The following POU2F1 variants were observed in gnomAD, a reference collection of about 807,000 sequenced individuals.
POU2F1 encodes the protein POU domain, class 2, transcription factor 1.
A neutral mutation model predicts 84.9 loss-of-function variants in POU2F1; 16 were observed. The ratio of observed to expected loss-of-function variants is 0.19; its 90% confidence interval spans 0.13 to 0.29. The LOEUF is 0.29. Among genes scored for constraint, POU2F1 ranks in the 10% least tolerant of loss-of-function variants. The pLI, the probability that POU2F1 is intolerant of heterozygous loss-of-function variation, is 1.00. For missense variants in POU2F1, 738 were observed against 942.6 expected, an observed-to-expected ratio of 0.78 and a Z score of 2.84; for synonymous variants, 368 against 368.3, an observed-to-expected ratio of 1.00 and a Z score of 0.01.
At chr1:167,256,169 G>A (rs1202579794) in intron 1 of POU2F1, among the ~76,000 whole-genome samples, 1 of 152,056 alleles carries the variant, frequency 6.6e-6, no homozygotes, top group Non-Finnish European at 1.5e-5. Context: ...GGATGAGAGT[G>A]GTTCTACAAC....
At chr1:167,324,388 A>T (rs993466086) in intron 1 of POU2F1, among the ~76,000 whole-genome samples, 1 of 147,302 alleles carries the variant, frequency 6.8e-6, no homozygotes, top group African/African-American at 2.7e-5. Flanking sequence ...TGTACAATGT[A>T]AAATGTGACT....
chr1:167,408,468 A>G (rs191076905), intron 13 of POU2F1, among the ~76,000 whole-genome samples: 1 of 152,230 alleles, frequency 6.6e-6, no homozygotes, highest in Non-Finnish European at 1.5e-5. Context: ...AGTGCTCATC[A>G]ACTGGTGAAT....
intron 1 of POU2F1, among the ~76,000 whole-genome samples, chr1:167,270,689 A>G (rs1370282386): frequency 1.3e-5 from 2 of 152,216 alleles, no homozygotes; most frequent in Non-Finnish European, 2.9e-5. Flanking sequence ...ATCACTCCAT[A>G]GTCAAACACA....
At chr1:167,299,713 T>TTTTTTTTC (rs1654536202) in intron 1 of POU2F1, among the ~76,000 whole-genome samples, 2 of 152,054 alleles carry the variant, frequency 1.3e-5, no homozygotes, top group African/African-American at 4.8e-5. Context: ...TTTTTCATTT[T>TTTTTTTTC]ATTTTGCTGC....
At position 167,331,999 on chromosome 1, in the gene POU2F1, G is replaced by T. The variant is rs142593913; in HGVS notation, c.62-471G>T. On this transcript the variant is annotated intron_variant, in intron 1 of 15. Transcript: ENST00000367866. ...TGTTTTCTTTTAGTTCATAGGTTGA[G>T]TTACTGTCCCATCTTTTATCAAGAT... Among the ~76,000 whole-genome samples the T allele has an allele frequency of 8.2e-4, 125 of 152,098 alleles. 1 individual carries two copies. In the East Asian group the frequency reaches 0.022, roughly 27 times the overall value.
chr1:167,323,688 C>CTATTTATT (rs201333646), intron 1 of POU2F1, among the ~76,000 whole-genome samples: 1 of 151,904 alleles, frequency 6.6e-6, no homozygotes, highest in Non-Finnish European at 1.5e-5. Flanking sequence ...TTTAATCACA[C>CTATTTATT]TATTTATTTA....
intron 2 of POU2F1, among the ~76,000 whole-genome samples, chr1:167,349,201 C>T (rs1442591993): frequency 1.3e-5 from 2 of 152,162 alleles, no homozygotes; most frequent in African/African-American, 2.4e-5. Context: ...ATCTCATCCT[C>T]TTAAGATTCA....
intron 6 of POU2F1, 56 bp from the exon 7 acceptor site, chr1:167,375,973 T>G: frequency 6.2e-7 from 1 of 1,601,060 alleles, no homozygotes; most frequent in Non-Finnish European, 8.6e-7. Flanking sequence ...AGCCTTATAA[T>G]TAAGCGAACT....
chr1:167,278,380 T>C (rs1049827305), intron 1 of POU2F1, among the ~76,000 whole-genome samples: 1 of 152,232 alleles, frequency 6.6e-6, no homozygotes, highest in African/African-American at 2.4e-5. Context: ...GATGGGACCT[T>C]GTCTGCTTTA....
chr1:167,412,032 G>A lies in POU2F1; in HGVS notation c.1629G>A (p.Thr543=), dbSNP rs372332412. 21 of 1,613,896 alleles carry A rather than the reference G, an allele frequency of 1.3e-5. No homozygotes were observed. In the Admixed American group the frequency reaches 1.7e-4, roughly 13 times the overall value. The change falls in exon 14 of 16, where the codon ACG becomes ACA. Residue 543 remains threonine (T), a synonymous_variant. Coordinates refer to ENST00000367866, the MANE Select transcript of POU2F1 (RefSeq NM_002697.4). The part of the protein sequence containing the change: ...STAPPASSAV[T]SPSLSPSPSA... ...CGCCTCCAGCTTCCTCAGCAGTCAC[G>A]TCCCCCTCTCTGAGTCCCTCCCCTT...
At position 167,424,395 on chromosome 1, in the gene POU2F1, T is replaced by G. The variant is rs1483701492; in HGVS notation, c.*8585T>G. 2 of 152,304 alleles carry G rather than the reference T, an allele frequency of 1.3e-5. No homozygotes were observed. The highest frequency in any genetic ancestry group is 4.8e-5 in the African/African-American group (2 of 41,468). 9.4% of individuals were successfully genotyped at this position (152,304 alleles called of 1,614,324 possible). The stretch of plus-strand genomic sequence containing the variant: ...TTGCTCAGTCCGCAGGAGGTCTCAC[T>G]CCGCAGGAAACGCTCTCCTCCCGCA... On this transcript the variant is annotated 3_prime_UTR_variant, in exon 16 of 16. Transcript: ENST00000367866.
intron 1 of POU2F1, among the ~76,000 whole-genome samples, chr1:167,250,337 A>G (rs1359698194): frequency 1.3e-5 from 2 of 152,214 alleles, no homozygotes; most frequent in African/African-American, 4.8e-5. Context: ...CAGATAGAAA[A>G]GAAAACAGTG....
At chr1:167,361,440 T>C (rs1659345917) in intron 2 of POU2F1, among the ~76,000 whole-genome samples, 1 of 152,182 alleles carries the variant, frequency 6.6e-6, no homozygotes, top group Non-Finnish European at 1.5e-5. Context: ...GATCATATGG[T>C]TTTTGTTTTA....
intron 1 of POU2F1, among the ~76,000 whole-genome samples, chr1:167,262,348 G>A (rs1035286025): frequency 6.6e-6 from 1 of 151,904 alleles, no homozygotes; most frequent in Admixed American, 6.6e-5. Context: ...CTTTTAGTGT[G>A]GCTTAACTAA....
chr1:167,337,546 G>A (rs760974490), intron 2 of POU2F1, among the ~76,000 whole-genome samples: 32 of 152,018 alleles, frequency 2.1e-4, no homozygotes, highest in Non-Finnish European at 4.3e-4. Flanking sequence ...TCAGGATAAC[G>A]GAAGAAGCAG....
At chr1:167,251,907 C>T (rs1163280101) in intron 1 of POU2F1, among the ~76,000 whole-genome samples, 3 of 150,446 alleles carry the variant, frequency 2.0e-5, no homozygotes, top group Non-Finnish European at 2.9e-5. Flanking sequence ...TGCAGTGGCA[C>T]TATCTTGGCT....
chr1:167,277,232 T>G (rs1652789520), intron 1 of POU2F1, among the ~76,000 whole-genome samples: 1 of 152,136 alleles, frequency 6.6e-6, no homozygotes, highest in Non-Finnish European at 1.5e-5. Flanking sequence ...GTTTTTTGTT[T>G]TGTTTTGTTT....
intron 2 of POU2F1, chr1:167,337,925 C>A: frequency 2.7e-6 from 1 of 363,836 alleles, no homozygotes; most frequent in Non-Finnish European, 5.4e-6. Flanking sequence ...TCAGGACAGC[C>A]CTATCTATAT....
At chr1:167,323,443 G>T (rs373373191) in intron 1 of POU2F1, among the ~76,000 whole-genome samples, 1 of 152,172 alleles carries the variant, frequency 6.6e-6, no homozygotes, top group Admixed American at 6.5e-5. Flanking sequence ...GGTTAAAAGA[G>T]ACCAGAAACA....
Sources: gnomAD v4.1 joint callset for allele counts (sites outside exome capture counted in the v4.1 genomes callset) on GRCh38, gnomAD v4.1.1 for gene constraint, MANE v1.5 for transcripts, NCBI Gene and HGNC (gene_info 2026-07-23, HGNC 2026-07-21) for gene names.